Variants in SHPRH observed in about 807,000 individuals in gnomAD.
SHPRH encodes E3 ubiquitin-protein ligase SHPRH.
In SHPRH, 106 loss-of-function variants were observed where a neutral mutation model predicts 202.5. The observed-to-expected ratio is 0.52, with a 90% confidence interval of 0.45 to 0.62. The LOEUF (loss-of-function observed/expected upper bound fraction) is 0.62, where lower values mean the gene tolerates loss of function less well. Ranked by LOEUF, SHPRH falls within the 20% of genes least tolerant of loss-of-function variation. The probability of loss-of-function intolerance (pLI) is 0.00; values close to 1 mark genes in which losing one functional copy is unlikely to be tolerated. For missense variants in SHPRH, 1,710 were observed against 2,020.0 expected, an observed-to-expected ratio of 0.85 and a Z score of 2.94; for synonymous variants, 729 against 686.0, an observed-to-expected ratio of 1.06 and a Z score of -0.98.
chr6:145,879,642 G>A (rs1289360068), intron 2 of SHPRH, among the ~76,000 whole-genome samples: 1 of 152,096 alleles, frequency 6.6e-6, no homozygotes, highest in Admixed American at 6.6e-5. Context: ...CGGGTGTGGT[G>A]GCTCATGCCT....
chr6:145,864,932 A>AAC (rs535717920), intron 2 of SHPRH, among the ~76,000 whole-genome samples: 2,436 of 133,922 alleles, frequency 0.018, 34 homozygotes, highest in South Asian at 0.039. Context: ...AAAATTTATA[A>AAC]ACACACACAC....
downstream of SHPRH, among the ~76,000 whole-genome samples, chr6:145,860,886 A>G (rs1395929423): frequency 6.6e-6 from 1 of 152,162 alleles, no homozygotes; most frequent in African/African-American, 2.4e-5. Context: ...TGCCAAGAAT[A>G]TACAATGAGG....
chr6:145,921,339 A>C lies in SHPRH; in HGVS notation c.3836T>G (p.Leu1279Arg), dbSNP rs1403416960. The part of the protein sequence containing the change: ...FEEMIEDEEG[L>R]VDDRAPTTTR... ...GGTGGTAGGTGCTCGATCATCCACC[A>C]GTCCTTCTTCATCTTCTATCATCTC... Residue 1279 changes from leucine to arginine, a missense_variant, in exon 21 of 30, where the codon CTG (leucine) becomes CGG (arginine). Coordinates refer to ENST00000275233, the MANE Select transcript of SHPRH (RefSeq NM_001042683.3). 1.9e-6 allele frequency: 3 copies of C among 1,612,724 alleles called. No individual in the cohort carries two copies. The highest frequency in any genetic ancestry group is 1.3e-5 in the African/African-American group (1 of 74,844).
rs957801545 is a variant in SHPRH, at chr6:145,926,813, TTAGA to T, written c.3201+372_3201+375del. 6.6e-5 allele frequency among the ~76,000 whole-genome samples: 10 copies of T among 152,094 alleles called. No homozygotes were observed. The South Asian group carries it at 1.0e-3, about 16-fold the overall frequency. On this transcript the variant is annotated intron_variant, in intron 15 of 29. Transcript: ENST00000275233. Reference sequence around the variant, plus strand: ...CCCTAAAGACCTCTAAAAATTATCATTAGATAGATTTTATTGCTTAGTTCCTTTT... The same window carrying T: ...CCCTAAAGACCTCTAAAAATTATCATTAGATTTTATTGCTTAGTTCCTTTT...
intron 16 of SHPRH, 33 bp from the exon 17 acceptor site, chr6:145,924,879 C>T (rs765783040): frequency 9.8e-6 from 15 of 1,526,374 alleles, no homozygotes; most frequent in Middle Eastern, 1.7e-4. Flanking sequence ...AACTTTCACT[C>T]CCAATCTAGA....
Position 145,913,553 on chromosome 6 carries a change from T to C in SHPRH, c.4255-4A>G, listed in dbSNP as rs765296444. The C allele has an allele frequency of 4.4e-6, 7 of 1,602,196 alleles. No individual in the cohort carries two copies. The highest frequency in any genetic ancestry group is 2.2e-5 in the East Asian group (1 of 44,492). On this transcript the variant is annotated splice_polypyrimidine_tract_variant and splice_region_variant and intron_variant, in intron 23 of 29. Transcript: ENST00000275233. ...CTCCCGATGTTTTATCTTGAGACTA[T>C]CCAAAAAAGAATTAAAAAATATATT...
chr6:145,882,705 A>T (rs1367320031), downstream of SHPRH, among the ~76,000 whole-genome samples: 2 of 152,232 alleles, frequency 1.3e-5, no homozygotes, highest in African/African-American at 4.8e-5. Flanking sequence ...TGGGAAGCCA[A>T]GAGATCAGAA....
Position 145,946,325 on chromosome 6 carries a change from T to C in SHPRH, c.1229A>G (p.Tyr410Cys). The change falls in exon 7 of 30, where the codon TAT (tyrosine) becomes TGT (cysteine). Residue 410 changes from tyrosine to cysteine, a missense_variant. Coordinates refer to ENST00000275233, the MANE Select transcript of SHPRH (RefSeq NM_001042683.3). ...TCCAAAATAATGTGACGGAATAAAA[T>C]AATTCACCACTTTTCCCTGATACAA... ...LTLPEGKVVN[Y>C]FIPSHYFGGK... The C allele has an allele frequency of 6.2e-7, 1 of 1,605,240 alleles. No homozygotes were observed. Among genetic ancestry groups the C allele is most frequent in the Admixed American group, 1.7e-5 (1 of 59,022 alleles).
chr6:145,940,819 T>C lies in SHPRH; in HGVS notation c.2491-18A>G. On this transcript the variant is annotated intron_variant, in intron 10 of 29. Coordinates refer to ENST00000275233, the MANE Select transcript of SHPRH (RefSeq NM_001042683.3). Reference sequence around the variant, plus strand: ...TCTGCAGCCTGATGAGAGGGAAAAATGAAATAAAAATGAAATCCAGAAAAC... The same window carrying C: ...TCTGCAGCCTGATGAGAGGGAAAAACGAAATAAAAATGAAATCCAGAAAAC... 6.2e-7 allele frequency: 1 copy of C among 1,612,282 alleles called. No homozygotes were observed. The highest frequency in any genetic ancestry group is 8.5e-7 in the Non-Finnish European group (1 of 1,179,336).
exon 3 of SHPRH, chr6:145,864,337 A>G: frequency 2.4e-6 from 1 of 413,110 alleles, no homozygotes; most frequent in South Asian, 1.9e-5. Flanking sequence ...ATTGAAAAAG[A>G]TGATAAAAAA....
In SHPRH at chr6:145,885,946, C is replaced by T. The variant is rs1229471149; in HGVS notation, c.*745G>A. The T allele has an allele frequency of 6.6e-6, 1 of 151,642 alleles. No homozygotes were observed. Among genetic ancestry groups the T allele is most frequent in the Non-Finnish European group, 1.5e-5 (1 of 67,918 alleles). The allele number at this position is 151,642 out of a possible 1,614,324, so 9.4% of individuals were successfully genotyped here. A position where few individuals can be genotyped will look rare whatever the true frequency, so the allele number is the denominator to read the frequency against. ...ACATCAATCTTACAACATATAAAAA[C>T]TTTAACAATAAGAAAAATTAAGAGT... On this transcript the variant is annotated 3_prime_UTR_variant, in exon 30 of 30. Coordinates refer to ENST00000275233, the MANE Select transcript of SHPRH (RefSeq NM_001042683.3).
intron 17 of SHPRH, among the ~76,000 whole-genome samples, chr6:145,924,172 C>A (rs1784669650): frequency 6.6e-6 from 1 of 151,862 alleles, no homozygotes; most frequent in South Asian, 2.1e-4. Flanking sequence ...ACTAACTGAA[C>A]CAGATTCTAC....
At chr6:145,939,906 G>A (rs1253859550) in intron 11 of SHPRH, among the ~76,000 whole-genome samples, 2 of 151,976 alleles carry the variant, frequency 1.3e-5, no homozygotes, top group Non-Finnish European at 2.9e-5. Context: ...CGAAAACTTG[G>A]ATTTTCAGAA....
At chr6:145,919,605 A>G in intron 21 of SHPRH, 114 bp from the exon 22 acceptor site, 1 of 1,276,504 alleles carries the variant, frequency 7.8e-7, no homozygotes, top group South Asian at 1.5e-5. Context: ...CTTTTTCGCT[A>G]TGTGTCTAAC....
chr6:145,863,670 G>T (rs1359870456), downstream of SHPRH, among the ~76,000 whole-genome samples: 1 of 152,098 alleles, frequency 6.6e-6, no homozygotes, highest in Admixed American at 6.5e-5. Context: ...AGTTAATAAA[G>T]GACAAATTTT....
chr6:145,914,461 T>C lies in SHPRH; in HGVS notation c.4255-912A>G, dbSNP rs565078495. Among the ~76,000 whole-genome samples the C allele has an allele frequency of 2.0e-5, 3 of 152,296 alleles. No homozygotes were observed. The East Asian group carries it at 5.8e-4, about 29-fold the overall frequency. The stretch of plus-strand genomic sequence containing the variant: ...TAAATATTTTAGGCCTTGTGGGCCA[T>C]ATGATCTGTGTTGTAACAACTCAAT... On this transcript the variant is annotated intron_variant, in intron 23 of 29. Coordinates refer to ENST00000275233, the MANE Select transcript of SHPRH (RefSeq NM_001042683.3).
At chr6:145,904,794 T>A (rs1057203224) in intron 25 of SHPRH, 6 of 152,124 alleles carry the variant, frequency 3.9e-5, no homozygotes, top group Non-Finnish European at 1.5e-5. Flanking sequence ...AGGGAAATTA[T>A]CTTTAGTAAA....
At chr6:145,874,820 C>CA (rs926100314) in intron 2 of SHPRH, among the ~76,000 whole-genome samples, 1 of 152,068 alleles carries the variant, frequency 6.6e-6, no homozygotes, top group Non-Finnish European at 1.5e-5. Flanking sequence ...ATAAACTTGT[C>CA]AATGATTATG....
At chr6:145,897,863 C>T (rs906214171) in intron 25 of SHPRH, among the ~76,000 whole-genome samples, 1 of 152,012 alleles carries the variant, frequency 6.6e-6, no homozygotes, top group African/African-American at 2.4e-5. Flanking sequence ...AAGGAATGTA[C>T]CTCAACACAG....
Sources: allele counts gnomAD v4.1 joint callset (sites outside exome capture counted in the v4.1 genomes callset), GRCh38; gene constraint gnomAD v4.1.1; transcripts MANE v1.5; gene names NCBI Gene and HGNC (gene_info 2026-07-23, HGNC 2026-07-21).